Variants in KIAA1217 observed in about 807,000 individuals in gnomAD.
The protein encoded by KIAA1217 is sickle tail protein homolog.
KIAA1217 carries 88 observed loss-of-function variants against 163.9 expected under a neutral mutation model. The observed-to-expected ratio is 0.54, with a 90% CI of 0.45 to 0.64. The LOEUF is 0.64. KIAA1217 is among the 30% of genes least tolerant of loss of function. The pLI, the probability that KIAA1217 is intolerant of heterozygous loss-of-function variation, is 0.00. For missense variants in KIAA1217, 2,372 were observed against 2,475.0 expected, an observed-to-expected ratio of 0.96 and a Z score of 0.88; for synonymous variants, 903 against 923.1, an observed-to-expected ratio of 0.98 and a Z score of 0.39.
intron 2 of KIAA1217, among the ~76,000 whole-genome samples, chr10:24,368,675 A>G (rs996779567): frequency 6.6e-6 from 1 of 152,122 alleles, no homozygotes; most frequent in Non-Finnish European, 1.5e-5. Context: ...ATTGGATGTA[A>G]CTATTTACCT....
At chr10:23,730,266 A>T (rs545208001) in intron 1 of KIAA1217, among the ~76,000 whole-genome samples, 14 of 151,842 alleles carry the variant, frequency 9.2e-5, no homozygotes, top group African/African-American at 2.9e-4. Flanking sequence ...TTGCATGTGG[A>T]TGTTCAGTTG....
rs1554918365 is a variant in KIAA1217, at chr10:24,511,172, A to AAAAAAAAAAAAAAAAAAAG, written c.2002-2086_2002-2085insAAAAAAAAAAAAAAAAAGA. ...TGTCTCAAAAAAAAAAAAAAAAAAAAAGGAGCCTGGCCCCTATGAAGAACT... is the reference window on the plus strand; with the variant it reads ...TGTCTCAAAAAAAAAAAAAAAAAAAAAAAAAAAAAAAAAAAAAAGAGGAGCCTGGCCCCTATGAAGAACT... On this transcript the variant is annotated intron_variant, in intron 9 of 20. Coordinates refer to ENST00000376454, the MANE Select transcript of KIAA1217 (RefSeq NM_019590.5). 2.1e-4 allele frequency among the ~76,000 whole-genome samples: 24 copies of AAAAAAAAAAAAAAAAAAAG among 115,680 alleles called. 2 individuals are homozygous for AAAAAAAAAAAAAAAAAAAG. Among genetic ancestry groups the AAAAAAAAAAAAAAAAAAAG allele is most frequent in the African/African-American group, 8.5e-4 (23 of 27,124 alleles). 75.9% of individuals were successfully genotyped at this position (115,680 alleles called of 152,430 possible). A position where few individuals can be genotyped will look rare whatever the true frequency, so the allele number is the denominator to read the frequency against.
intron 1 of KIAA1217, among the ~76,000 whole-genome samples, chr10:23,924,251 T>A (rs1842945942): frequency 6.6e-6 from 1 of 151,892 alleles, no homozygotes; most frequent in South Asian, 2.1e-4. Context: ...AATGGGAAAC[T>A]AAGATAACTG....
chr10:24,518,020 A>G (rs2070471250), intron 10 of KIAA1217, among the ~76,000 whole-genome samples: 1 of 152,162 alleles, frequency 6.6e-6, no homozygotes, highest in Admixed American at 6.5e-5. Flanking sequence ...CTATGAAAAG[A>G]AATTGGGTCT....
intron 2 of KIAA1217, among the ~76,000 whole-genome samples, chr10:24,115,414 A>G (rs2063013337): frequency 6.6e-6 from 1 of 152,264 alleles, no homozygotes; most frequent in South Asian, 2.1e-4. Context: ...GGCAACTGGC[A>G]GTCATCAAAC....
chr10:23,856,798 G>C (rs1003138287), intron 1 of KIAA1217, among the ~76,000 whole-genome samples: 1 of 152,246 alleles, frequency 6.6e-6, no homozygotes, highest in African/African-American at 2.4e-5. Context: ...TTCTGTGGGC[G>C]TAGGACACTG....
intron 1 of KIAA1217, among the ~76,000 whole-genome samples, chr10:23,979,150 A>C (rs1419667270): frequency 6.6e-6 from 1 of 152,220 alleles, no homozygotes; most frequent in Non-Finnish European, 1.5e-5. Context: ...ATTATATCAA[A>C]TCACTTTGAG....
chr10:23,897,331 C>G (rs1486686085), intron 1 of KIAA1217, among the ~76,000 whole-genome samples: 3 of 152,070 alleles, frequency 2.0e-5, no homozygotes, highest in African/African-American at 7.2e-5. Flanking sequence ...CCCAAGTTGT[C>G]TGGCATCATT....
chr10:23,842,061 T>A (rs759610551), intron 1 of KIAA1217, among the ~76,000 whole-genome samples: 6 of 151,946 alleles, frequency 3.9e-5, no homozygotes, highest in Non-Finnish European at 7.4e-5. Flanking sequence ...AGAGATGGGA[T>A]TTTGCCATGT....
chr10:24,436,113 G>A (rs1323883994), intron 4 of KIAA1217, among the ~76,000 whole-genome samples: 3 of 151,866 alleles, frequency 2.0e-5, no homozygotes, highest in Non-Finnish European at 2.9e-5. Context: ...TGCCCACCTC[G>A]GCCTCCCAAA....
At chr10:23,951,165 G>T (rs1349482763) in intron 1 of KIAA1217, among the ~76,000 whole-genome samples, 1 of 152,124 alleles carries the variant, frequency 6.6e-6, no homozygotes, top group African/African-American at 2.4e-5. Context: ...GAGGCAGAGT[G>T]GCTTTCTTAG....
chr10:23,799,012 G>A (rs1355078119), intron 1 of KIAA1217, among the ~76,000 whole-genome samples: 2 of 152,208 alleles, frequency 1.3e-5, no homozygotes, highest in Non-Finnish European at 2.9e-5. Context: ...AGGACTGTGA[G>A]AGAGAATCTG....
intron 1 of KIAA1217, among the ~76,000 whole-genome samples, chr10:24,217,709 T>C (rs2069022288): frequency 1.3e-5 from 2 of 152,226 alleles, no homozygotes. Context: ...GCAAAACTAG[T>C]GTGAAGGATT....
chr10:24,061,857 G>A (rs118163182), intron 2 of KIAA1217, among the ~76,000 whole-genome samples: 1,779 of 152,168 alleles, frequency 0.012, 13 homozygotes, highest in Non-Finnish European at 0.019. Context: ...GTGCCTTTGT[G>A]TATATTTATT....
At chr10:23,711,171 A>G (rs998591684) in intron 1 of KIAA1217, among the ~76,000 whole-genome samples, 1 of 152,184 alleles carries the variant, frequency 6.6e-6, no homozygotes, top group Non-Finnish European at 1.5e-5. Context: ...TCCAGAAAGA[A>G]GACATTATAG....
chr10:23,865,521 A>G (rs911459349), intron 1 of KIAA1217, among the ~76,000 whole-genome samples: 1 of 152,040 alleles, frequency 6.6e-6, no homozygotes, highest in Non-Finnish European at 1.5e-5. Flanking sequence ...CCTGTCTGTC[A>G]TTTGTCTTTT....
At chr10:23,798,141 GCAGGAAGAGGAAGTTGC>G (rs1836297039) in intron 1 of KIAA1217, among the ~76,000 whole-genome samples, 1 of 152,122 alleles carries the variant, frequency 6.6e-6, no homozygotes. Flanking sequence ...AAAATATTAG[GCAGGAAGAGGAAGTTGC>G]CAGTCCCTCA....
intron 2 of KIAA1217, among the ~76,000 whole-genome samples, chr10:24,008,621 A>G (rs936610413): frequency 2.6e-5 from 4 of 152,138 alleles, no homozygotes; most frequent in Non-Finnish European, 5.9e-5. Context: ...AGCAAGCTTC[A>G]GAAAGGGAGT....
intron 2 of KIAA1217, among the ~76,000 whole-genome samples, chr10:24,082,088 T>C (rs2131659088): frequency 6.6e-6 from 1 of 152,198 alleles, no homozygotes. Flanking sequence ...CTGCTGAAGG[T>C]GATAGTGCTT....
Sources: gnomAD v4.1 joint callset for allele counts (sites outside exome capture counted in the v4.1 genomes callset) on GRCh38, gnomAD v4.1.1 for gene constraint, MANE v1.5 for transcripts, NCBI Gene and HGNC (gene_info 2026-07-23, HGNC 2026-07-21) for gene names.